TICRR: variants seen among roughly 807,000 people sequenced by gnomAD.
The protein encoded by TICRR is TOPBP1 interacting checkpoint and replication regulator, also known as treslin.
In TICRR, 132 loss-of-function variants were observed where a neutral mutation model predicts 178.1. The observed-to-expected ratio is 0.74, with a 90% CI of 0.64 to 0.86. The LOEUF is 0.86. Ranked by LOEUF, TICRR falls within the 40% of genes least tolerant of loss-of-function variation. The probability of loss-of-function intolerance (pLI) is 0.00; values close to 1 mark genes in which losing one functional copy is unlikely to be tolerated. For missense variants in TICRR, 2,587 were observed against 2,334.3 expected (o/e 1.11, Z -2.23); for synonymous variants, 991 against 900.7 (o/e 1.10, Z -1.79).
chr15:89,584,958 ACT>A (rs1962795006), intron 3 of TICRR, among the ~76,000 whole-genome samples: 1 of 152,236 alleles, frequency 6.6e-6, no homozygotes, highest in Non-Finnish European at 1.5e-5. Flanking sequence ...TGTCTGTGTA[ACT>A]CAGCAGTTGG....
At chr15:89,613,734 C>CTTTTTTTTTTTTTTTTTTTTTTTG (rs34162195) in intron 15 of TICRR, among the ~76,000 whole-genome samples, 2 of 61,570 alleles carry the variant, frequency 3.2e-5, no homozygotes, top group African/African-American at 1.5e-4. Flanking sequence ...TTTCTATTCG[C>CTTTTTTTTTTTTTTTTTTTTTTTG]TTTTTTTTTT....
rs1235618505 is a variant in TICRR, at chr15:89,601,828, G to C, written c.2419G>C (p.Asp807His). 3 of 1,614,054 alleles carry C rather than the reference G, an allele frequency of 1.9e-6. No homozygotes were observed. The highest frequency in any genetic ancestry group is 1.6e-4 in the Middle Eastern group (1 of 6,084). The change falls in exon 12 of 22, where the codon GAT becomes CAT. Residue 807 changes from aspartate (D) to histidine (H), a missense_variant. Asp to His is a moderately conservative substitution (Grantham distance 81). Transcript: ENST00000268138. ...GAAGCTGGCTGGTGTCCTTCCTACA[G>C]ATTTTTTCAGTGATGACTCCATGAC... is the stretch of plus-strand genomic sequence containing the variant. ...PQKLAGVLPTDFFSDDSMTQE... is the reference protein window; with the variant it reads ...PQKLAGVLPTHFFSDDSMTQE...
chr15:89,581,878 C>G (rs1962732259), intron 1 of TICRR, among the ~76,000 whole-genome samples: 1 of 152,094 alleles, frequency 6.6e-6, no homozygotes, highest in Non-Finnish European at 1.5e-5. Context: ...ACAGTTAGGG[C>G]AAAAGATGCC....
rs2141958630 is a variant in TICRR, at chr15:89,591,930, A to C, written c.1412-117A>C. 3 of 816,280 alleles carry C rather than the reference A, an allele frequency of 3.7e-6. No individual in the cohort carries two copies. In the South Asian group the frequency reaches 8.0e-5, roughly 22 times the overall value. 50.6% of individuals were successfully genotyped at this position (816,280 alleles called of 1,614,324 possible). ...GCCGGAGAACAAATGTTAACTGTGC[A>C]CTTTGTATGTCCTTTGGAGGGATGC... On this transcript the variant is annotated intron_variant, in intron 4 of 21. Coordinates refer to ENST00000268138, the MANE Select transcript of TICRR (RefSeq NM_152259.4).
chr15:89,618,903 G>A (rs1963378221), intron 17 of TICRR, among the ~76,000 whole-genome samples: 1 of 152,222 alleles, frequency 6.6e-6, no homozygotes, highest in Non-Finnish European at 1.5e-5. Flanking sequence ...AGGCTGCAGT[G>A]AGCTATGATC....
rs1036182201 is a variant in TICRR, at chr15:89,623,901, G to A, written c.3591G>A (p.Lys1197=). ...SLETKTPRTP[K]RQGTQPPGFL... is the part of the protein sequence containing the mutation. Reference sequence around the variant, plus strand: ...AAACGAAGACACCAAGAACTCCTAAGAGGCAAGGTACTCAGCCGCCTGGGT... The same window carrying A: ...AAACGAAGACACCAAGAACTCCTAAAAGGCAAGGTACTCAGCCGCCTGGGT... Residue 1197 remains lysine (K), a synonymous_variant, in exon 20 of 22, where the codon AAG becomes AAA. Coordinates refer to ENST00000268138, the MANE Select transcript of TICRR (RefSeq NM_152259.4). The A allele has an allele frequency of 1.9e-6, 3 of 1,613,960 alleles. No homozygotes were observed. Among genetic ancestry groups the A allele is most frequent in the South Asian group, 1.1e-5 (1 of 91,066 alleles).
chr15:89,621,374 T>A lies in TICRR; in HGVS notation c.3155-19T>A, dbSNP rs1373906813. 1.9e-6 allele frequency: 3 copies of A among 1,588,238 alleles called. No individual in the cohort carries two copies. The South Asian group carries it at 3.5e-5, about 18-fold the overall frequency. On this transcript the variant is annotated intron_variant, in intron 18 of 21. Transcript: ENST00000268138. ...GAATTGAGAAAGAATTAAATATTGT[T>A]GCTGTTTTTGACTTGCAGACCAAAG...
rs550682640 is a variant in TICRR, at chr15:89,620,980, C to T, written c.3155-413C>T. On this transcript the variant is annotated intron_variant, in intron 18 of 21. Transcript: ENST00000268138. ...TAGTGATCTGCCCGCCTCAGCCTCC[C>T]AAAGTGCTGGGATTACAGGCGTGAG... Among the ~76,000 whole-genome samples the T allele has an allele frequency of 3.3e-5, 5 of 151,514 alleles. No homozygotes were observed. In the South Asian group the frequency reaches 8.3e-4, roughly 25 times the overall value.
intron 17 of TICRR, 63 bp downstream of exon 17, chr15:89,618,273 A>G (rs1193454928): frequency 6.9e-7 from 1 of 1,456,896 alleles, no homozygotes; most frequent in African/African-American, 1.4e-5. Flanking sequence ...ACCTTTCTGT[A>G]TGTATTGTTA....
intron 7 of TICRR, 112 bp from the exon 8 acceptor site, chr15:89,599,212 G>C: frequency 1.4e-6 from 1 of 733,858 alleles, no homozygotes; most frequent in Non-Finnish European, 2.0e-6. Context: ...TCCAGACAAG[G>C]CCAAATGTTC....
intron 15 of TICRR, among the ~76,000 whole-genome samples, chr15:89,612,868 T>C (rs560199530): frequency 3.9e-5 from 6 of 152,250 alleles, no homozygotes; most frequent in Non-Finnish European, 7.3e-5. Context: ...TGACTATCCC[T>C]TCTTAGTTCT....
At chr15:89,592,023 G>GC (rs780176670) in intron 4 of TICRR, 24 bp from the exon 5 acceptor site, 2 of 1,592,338 alleles carry the variant, frequency 1.3e-6, no homozygotes, top group African/African-American at 2.7e-5. Flanking sequence ...TTCCTCTCCT[G>GC]CCGCTGCTCC....
Position 89,624,047 on chromosome 15 carries a change from A to T in TICRR, c.3737A>T (p.Asp1246Val), listed in dbSNP as rs1291265933. 4 of 1,613,554 alleles carry T rather than the reference A, an allele frequency of 2.5e-6. No individual in the cohort carries two copies. Among genetic ancestry groups the T allele is most frequent in the East Asian group, 4.5e-5 (2 of 44,864 alleles). ...AGAGAGTGTCTCACTCCCATCAGAG[A>T]CCCTCTCAGAACACCTCCGAGAGCA... ...PRRECLTPIR[D>V]PLRTPPRAAA... The change falls in exon 20 of 22, where the codon GAC becomes GTC. Residue 1246 changes from aspartate to valine, a missense_variant. By Grantham distance (152) the Asp-to-Val change is radical. Coordinates refer to ENST00000268138, the MANE Select transcript of TICRR (RefSeq NM_152259.4).
rs1482758889 is a variant in TICRR at position 89,624,663 on chromosome 15, A to G, written c.4353A>G (p.Ala1451=). 1 of 1,613,964 alleles carries G rather than the reference A, an allele frequency of 6.2e-7. No homozygotes were observed. Among genetic ancestry groups the G allele is most frequent in the African/African-American group, 1.3e-5 (1 of 74,924 alleles). ...PGPGLRSDWH[A]SSPLLITSDT... is the part of the protein sequence containing the mutation. Reference sequence around the variant, plus strand: ...CTGGTCTCAGGAGTGATTGGCATGCATCCTCTCCTCTGCTCATTACAAGTG... The same window carrying G: ...CTGGTCTCAGGAGTGATTGGCATGCGTCCTCTCCTCTGCTCATTACAAGTG... Residue 1451 remains alanine, a synonymous_variant, in exon 20 of 22, where the codon GCA becomes GCG. Transcript: ENST00000268138.
rs139285421 is a variant in TICRR at position 89,582,827 on chromosome 15, C to T, written c.796C>T (p.Leu266=). Residue 266 remains leucine (L), a synonymous_variant, in exon 2 of 22, where the codon CTG becomes TTG. Coordinates refer to ENST00000268138, the MANE Select transcript of TICRR (RefSeq NM_152259.4). ...GEMLLRSGIK[L]SSEPHLSPWI... ...AATGCTGCTCAGGAGTGGAATAAAGCTGTCAAGTGAACCTCATCTTTCTCC... is the reference window on the plus strand; with the variant it reads ...AATGCTGCTCAGGAGTGGAATAAAGTTGTCAAGTGAACCTCATCTTTCTCC... The T allele has an allele frequency of 1.9e-4, 311 of 1,614,168 alleles. 1 individual carries two copies. In the African/African-American group the frequency reaches 3.3e-3, roughly 17 times the overall value.
Position 89,624,850 on chromosome 15 carries a change from G to T in TICRR, c.4540G>T (p.Gly1514Trp). Reference protein sequence around the residue: ...PGIPPSPPSCGPGSPLMPSRD... With the variant: ...PGIPPSPPSCWPGSPLMPSRD... ...GATTCCCCCATCTCCTCCTTCCTGTGGGCCTGGCTCTCCTCTGATGCCTTC... is the reference window on the plus strand; with the variant it reads ...GATTCCCCCATCTCCTCCTTCCTGTTGGCCTGGCTCTCCTCTGATGCCTTC... The change falls in exon 20 of 22, where the codon GGG becomes TGG. Residue 1514 changes from glycine to tryptophan, a missense_variant. By Grantham distance (184) the Gly-to-Trp change is radical (BLOSUM62 -2). Coordinates refer to ENST00000268138, the MANE Select transcript of TICRR (RefSeq NM_152259.4). 1 of 1,613,998 alleles carries T rather than the reference G, an allele frequency of 6.2e-7. No individual in the cohort carries two copies. Among genetic ancestry groups the T allele is most frequent in the South Asian group, 1.1e-5 (1 of 91,076 alleles).
chr15:89,585,664 A>G (rs751371822), intron 3 of TICRR, 44 bp from the exon 4 acceptor site: 7 of 1,322,548 alleles, frequency 5.3e-6, no homozygotes, highest in South Asian at 1.2e-5. Flanking sequence ...TTCTTTAGGC[A>G]TATTGACAAT....
chr15:89,579,612 C>T (rs1309312813), intron 1 of TICRR, among the ~76,000 whole-genome samples: 1 of 152,104 alleles, frequency 6.6e-6, no homozygotes, highest in Non-Finnish European at 1.5e-5. Flanking sequence ...TCCCAAAGTG[C>T]TGGGATTACA....
Position 89,602,811 on chromosome 15 carries a change from A to G in TICRR, c.2583A>G (p.Ile861Met), listed in dbSNP as rs867056550. ...SAKKRRKNAL[I>M]RHKSIAEVSQ... is the part of the protein sequence containing the mutation. Reference sequence around the variant, plus strand: ...TTTTTAAAAGGAAAAATGCATTAATAAGACATAAAAGCATTGCTGAGGTTT... The same window carrying G: ...TTTTTAAAAGGAAAAATGCATTAATGAGACATAAAAGCATTGCTGAGGTTT... Residue 861 changes from isoleucine to methionine, a missense_variant, in exon 13 of 22, where the codon ATA (isoleucine) becomes ATG (methionine). By Grantham distance (10) the Ile-to-Met change is conservative (BLOSUM62 1). Transcript: ENST00000268138. 6.7e-7 allele frequency: 1 copy of G among 1,489,858 alleles called. No homozygotes were observed. Among genetic ancestry groups the G allele is most frequent in the African/African-American group, 1.4e-5 (1 of 69,272 alleles). The allele number at this position is 1,489,858 out of a possible 1,614,324, so 92.3% of individuals were successfully genotyped here.
Sources: allele counts gnomAD v4.1 joint callset (sites outside exome capture counted in the v4.1 genomes callset), GRCh38; gene constraint gnomAD v4.1.1; transcripts MANE v1.5; gene names NCBI Gene and HGNC (gene_info 2026-07-23, HGNC 2026-07-21).